The following UNC5C variants were observed in gnomAD, a reference collection of about 807,000 sequenced individuals.
The protein encoded by UNC5C is netrin receptor UNC5C.
Under a neutral mutation model 99.8 loss-of-function variants are expected in UNC5C, and 47 were observed. That is an observed-to-expected ratio of 0.47 (90% CI 0.37 to 0.60). UNC5C has a LOEUF of 0.60. Among genes scored for constraint, UNC5C ranks in the 20% least tolerant of loss-of-function variants. UNC5C has a pLI of 0.00. For missense variants in UNC5C, 1,062 were observed against 1,165.9 expected (o/e 0.91, Z 1.30); for synonymous variants, 487 against 452.2 (o/e 1.08, Z -0.98).
chr4:95,439,961 T>C (rs2149463197), intron 1 of UNC5C, among the ~76,000 whole-genome samples: 1 of 152,276 alleles, frequency 6.6e-6, no homozygotes, highest in African/African-American at 2.4e-5. Flanking sequence ...GAGGACAAGC[T>C]AAGAGCTGAC....
chr4:95,310,470 T>C (rs1338355643), intron 2 of UNC5C, among the ~76,000 whole-genome samples: 1 of 152,116 alleles, frequency 6.6e-6, no homozygotes, highest in Non-Finnish European at 1.5e-5. Flanking sequence ...GAGAAATATA[T>C]GAGGTGATGT....
intron 13 of UNC5C, among the ~76,000 whole-genome samples, chr4:95,184,327 A>C (rs1391870200): frequency 6.6e-6 from 1 of 152,212 alleles, no homozygotes; most frequent in African/African-American, 2.4e-5. Context: ...ACATCAGGAA[A>C]TAGCTACCAG....
intron 3 of UNC5C, among the ~76,000 whole-genome samples, chr4:95,290,831 A>G (rs1297728243): frequency 7.9e-5 from 12 of 152,216 alleles, no homozygotes. Context: ...AATTTACCAC[A>G]AACACTTTCA....
intron 1 of UNC5C, among the ~76,000 whole-genome samples, chr4:95,448,934 C>G (rs747672151): frequency 6.6e-6 from 1 of 152,228 alleles, no homozygotes. Flanking sequence ...TTTGGGGACT[C>G]TAAGTAGACT....
At chr4:95,456,292 T>C (rs1324857866) in intron 1 of UNC5C, among the ~76,000 whole-genome samples, 2 of 152,158 alleles carry the variant, frequency 1.3e-5, no homozygotes, top group South Asian at 4.1e-4. Context: ...TTAAATCCTC[T>C]AGGTATAAGG....
At chr4:95,360,754 T>G (rs1029404745) in intron 1 of UNC5C, among the ~76,000 whole-genome samples, 1 of 152,200 alleles carries the variant, frequency 6.6e-6, no homozygotes, top group African/African-American at 2.4e-5. Context: ...GTGGATTTCT[T>G]TGAACGGTAT....
intron 1 of UNC5C, among the ~76,000 whole-genome samples, chr4:95,360,164 C>T (rs1243830718): frequency 6.6e-6 from 1 of 152,094 alleles, no homozygotes; most frequent in South Asian, 2.1e-4. Flanking sequence ...ACCTTTTCAA[C>T]AATACGTTTA....
chr4:95,369,891 C>A (rs112684235), intron 1 of UNC5C, among the ~76,000 whole-genome samples: 19 of 151,712 alleles, frequency 1.3e-4, no homozygotes, highest in African/African-American at 3.9e-4. Flanking sequence ...TGTAGCCCCC[C>A]CTTTTTTTTT....
intron 1 of UNC5C, among the ~76,000 whole-genome samples, chr4:95,360,680 G>T (rs1000420907): frequency 6.6e-6 from 1 of 152,092 alleles, no homozygotes; most frequent in Non-Finnish European, 1.5e-5. Context: ...TGAAACAGAC[G>T]AGAGTGATTT....
chr4:95,219,933 G>T, intron 8 of UNC5C, 52 bp downstream of exon 8: 1 of 1,559,078 alleles, frequency 6.4e-7, no homozygotes, highest in South Asian at 1.2e-5. Flanking sequence ...CATTGATTTT[G>T]AAACTGCTTA....
chr4:95,548,701 G>T, intron 1 of UNC5C, 33 bp downstream of exon 1: 1 of 1,609,334 alleles, frequency 6.2e-7, no homozygotes, highest in Non-Finnish European at 8.5e-7. Context: ...GAAGCTAAGG[G>T]AGGTGGCCGC....
At position 95,162,649 on chromosome 4, in the gene UNC5C, A is replaced by G. The variant is rs552431331; in HGVS notation, c.*6585T>C. ...GGATTGGCAGCCAGGGAGAGAAAAG[A>G]GGCACACCCGGAGCTGGTATCCCTC... On this transcript the variant is annotated 3_prime_UTR_variant, in exon 16 of 16. Coordinates refer to ENST00000453304, the MANE Select transcript of UNC5C (RefSeq NM_003728.4). 5.8e-4 allele frequency: 88 copies of G among 152,294 alleles called. No homozygotes were observed. The highest frequency in any genetic ancestry group is 2.1e-3 in the African/African-American group (87 of 41,552). The allele number at this position is 152,294 out of a possible 1,614,324, so 9.4% of individuals were successfully genotyped here.
At chr4:95,506,808 AG>A (rs1266231705) in intron 1 of UNC5C, among the ~76,000 whole-genome samples, 1 of 151,972 alleles carries the variant, frequency 6.6e-6, no homozygotes, top group Non-Finnish European at 1.5e-5. Context: ...GATAATATCC[AG>A]GATACATCTG....
intron 12 of UNC5C, among the ~76,000 whole-genome samples, chr4:95,193,992 A>G (rs1383291369): frequency 6.6e-6 from 1 of 152,128 alleles, no homozygotes. Context: ...CCTAATAATA[A>G]CAAGGCTGGA....
intron 1 of UNC5C, among the ~76,000 whole-genome samples, chr4:95,383,945 T>G (rs923218402): frequency 6.6e-6 from 1 of 152,162 alleles, no homozygotes; most frequent in African/African-American, 2.4e-5. Flanking sequence ...AAACTCAAAC[T>G]TGTCTCTTTG....
chr4:95,202,631 G>T, intron 12 of UNC5C, 100 bp downstream of exon 12: 1 of 1,155,034 alleles, frequency 8.7e-7, no homozygotes, highest in Non-Finnish European at 1.2e-6. Context: ...CCACACACTT[G>T]GGTGCACACA....
rs187664479 is a variant in UNC5C at position 95,187,259 on chromosome 4, A to G, written c.2137-2063T>C. ...AATCTTTGAGATTACAGTCATGCCA[A>G]TCAATCAGTTCCAGCTTCTTTCTTT... is the stretch of plus-strand genomic sequence containing the variant. On this transcript the variant is annotated intron_variant, in intron 12 of 15. Transcript: ENST00000453304. Among the ~76,000 whole-genome samples, 129 of 152,074 alleles carry G rather than the reference A, an allele frequency of 8.5e-4. 1 individual carries two copies. Among genetic ancestry groups the G allele is most frequent in the Non-Finnish European group, 6.9e-4 (47 of 67,816 alleles).
rs1721648659 is a variant in UNC5C, at chr4:95,497,039, A to G, written c.124+51695T>C. 2.0e-5 allele frequency among the ~76,000 whole-genome samples: 3 copies of G among 152,092 alleles called. No individual in the cohort carries two copies. The East Asian group carries it at 5.8e-4, about 30-fold the overall frequency. ...CCTTTTTATGGCTGAGTAGTATTCC[A>G]TGGTATATACATACCACGTTTTCTT... On this transcript the variant is annotated intron_variant, in intron 1 of 15. Coordinates refer to ENST00000453304, the MANE Select transcript of UNC5C (RefSeq NM_003728.4).
chr4:95,492,299 T>A (rs186463879), intron 1 of UNC5C, among the ~76,000 whole-genome samples: 1 of 151,560 alleles, frequency 6.6e-6, no homozygotes, highest in Admixed American at 6.6e-5. Context: ...TCTATCATGC[T>A]ACTTCCGCCA....
Sources: gnomAD v4.1 joint callset for allele counts (sites outside exome capture counted in the v4.1 genomes callset) on GRCh38, gnomAD v4.1.1 for gene constraint, MANE v1.5 for transcripts, NCBI Gene and HGNC (gene_info 2026-07-23, HGNC 2026-07-21) for gene names.